The following DUSP10 variants were observed in gnomAD, a reference collection of about 807,000 sequenced individuals.
DUSP10 encodes dual specificity phosphatase 10.
In DUSP10, 14 loss-of-function variants were observed where a neutral mutation model predicts 30.8. That is an observed-to-expected ratio of 0.46 (90% CI 0.30 to 0.71). DUSP10 has a LOEUF of 0.71. DUSP10 is among the 30% of genes least tolerant of loss of function. DUSP10 has a pLI of 0.08. For synonymous variants in DUSP10, 254 were observed against 250.4 expected, an observed-to-expected ratio of 1.01 and a Z score of -0.14; for missense variants, 550 against 619.4, an observed-to-expected ratio of 0.89 and a Z score of 1.19.
Position 221,706,150 on chromosome 1 carries a change from A to C in DUSP10, c.1128T>G (p.Thr376=). 6.2e-7 allele frequency: 1 copy of C among 1,614,190 alleles called. No individual in the cohort carries two copies. Among genetic ancestry groups the C allele is most frequent in the Non-Finnish European group, 8.5e-7 (1 of 1,180,030 alleles). Reference sequence around the variant, plus strand: ...GCCGCAGGTTCTGCTTGTTGCTGTCAGTGGCTGGCAGCCGCTTGTAGTTGA... The same window carrying C: ...GCCGCAGGTTCTGCTTGTTGCTGTCCGTGGCTGGCAGCCGCTTGTAGTTGA... ...GLFNYKRLPA[T]DSNKQNLRQY... The change falls in exon 3 of 4, where the codon ACT becomes ACG. Residue 376 remains threonine, a synonymous_variant. Coordinates refer to ENST00000366899, the MANE Select transcript of DUSP10 (RefSeq NM_007207.6). This position sits in a 1 kb window ranked among gnomAD's most constrained non-coding sequence, Gnocchi z 4.6.
At chr1:221,735,367 G>T (rs1661735454) in intron 2 of DUSP10, among the ~76,000 whole-genome samples, 1 of 152,216 alleles carries the variant, frequency 6.6e-6, no homozygotes, top group South Asian at 2.1e-4. Flanking sequence ...CTGTAGACCT[G>T]ACTGCCAGTC....
At chr1:221,722,056 G>C (rs1661293957) in intron 2 of DUSP10, among the ~76,000 whole-genome samples, 1 of 152,154 alleles carries the variant, frequency 6.6e-6, no homozygotes, top group Admixed American at 6.5e-5. Context: ...GTAATTTGGA[G>C]TTCCTCTTAT....
At chr1:221,739,841 C>T (rs1161617143) in intron 1 of DUSP10, 54 bp from the exon 2 acceptor site, 3 of 1,453,912 alleles carry the variant, frequency 2.1e-6, no homozygotes, top group Non-Finnish European at 1.8e-6. Context: ...ACACAAAAGG[C>T]AGTCTCATCC....
chr1:221,726,857 T>C (rs1271435836), intron 2 of DUSP10, among the ~76,000 whole-genome samples: 1 of 152,210 alleles, frequency 6.6e-6, no homozygotes, highest in African/African-American at 2.4e-5. Flanking sequence ...TTTACTGAAC[T>C]ATACCACTCA....
At chr1:221,732,303 TGTTAACAGCTGAAACCACTAG>T (rs1260725680) in intron 2 of DUSP10, among the ~76,000 whole-genome samples, 3 of 152,244 alleles carry the variant, frequency 2.0e-5, no homozygotes, top group Admixed American at 2.0e-4. Flanking sequence ...TTTTGATAGC[TGTTAACAGCTGAAACCACTAG>T]GTTAACAGCT....
At chr1:221,731,545 C>T (rs1016929439) in intron 2 of DUSP10, among the ~76,000 whole-genome samples, 6 of 149,688 alleles carry the variant, frequency 4.0e-5, no homozygotes, top group East Asian at 2.0e-4. Flanking sequence ...CAGATCAAGA[C>T]ATTGGAAAGA....
At chr1:221,703,706 G>A (rs983614085) in intron 3 of DUSP10, among the ~76,000 whole-genome samples, 3 of 152,150 alleles carry the variant, frequency 2.0e-5, no homozygotes, top group African/African-American at 7.2e-5. Context: ...GGCACTACCT[G>A]AACAGATTCT....
At chr1:221,715,776 G>T (rs779799153) in intron 2 of DUSP10, among the ~76,000 whole-genome samples, 11 of 152,172 alleles carry the variant, frequency 7.2e-5, no homozygotes, top group South Asian at 2.1e-4. Flanking sequence ...TGACTTTTAT[G>T]TGAGCAGGAT....
intron 3 of DUSP10, 115 bp downstream of exon 3, chr1:221,705,980 C>T (rs774654015): frequency 6.9e-7 from 1 of 1,452,536 alleles, no homozygotes; most frequent in Non-Finnish European, 9.3e-7. Context: ...CCCTCCAAAA[C>T]TCCAGGGCAG....
chr1:221,713,297 CGGA>C (rs1367478427), intron 2 of DUSP10, among the ~76,000 whole-genome samples: 3 of 152,194 alleles, frequency 2.0e-5, no homozygotes, highest in South Asian at 4.1e-4. Context: ...CCATCACTGC[CGGA>C]GGAAGTGGCA....
At chr1:221,735,733 C>T (rs1001043912) in intron 2 of DUSP10, among the ~76,000 whole-genome samples, 2 of 152,094 alleles carry the variant, frequency 1.3e-5, no homozygotes, top group Non-Finnish European at 2.9e-5. Flanking sequence ...CTATTTCTTC[C>T]TACCTAAGTA....
chr1:221,708,489 TC>T (rs1335408888), intron 2 of DUSP10, among the ~76,000 whole-genome samples: 1 of 152,230 alleles, frequency 6.6e-6, no homozygotes, highest in African/African-American at 2.4e-5. Context: ...TTCACTTTAC[TC>T]ATTGAAAGTA....
intron 1 of DUSP10, among the ~76,000 whole-genome samples, chr1:221,740,391 T>A (rs1051116307): frequency 6.6e-6 from 1 of 152,200 alleles, no homozygotes; most frequent in African/African-American, 2.4e-5. Context: ...TCTATTGGGG[T>A]CCTTTGAAAA....
At chr1:221,714,816 C>T (rs547141780) in intron 2 of DUSP10, among the ~76,000 whole-genome samples, 4 of 152,244 alleles carry the variant, frequency 2.6e-5, no homozygotes, top group Admixed American at 1.3e-4. Flanking sequence ...CAACGAACCC[C>T]GGTTATTTAA....
chr1:221,729,824 T>C (rs1056358903), intron 2 of DUSP10, among the ~76,000 whole-genome samples: 4 of 152,180 alleles, frequency 2.6e-5, no homozygotes, highest in African/African-American at 9.7e-5. Flanking sequence ...CATAAAAACA[T>C]AGCATTTTAA....
intron 2 of DUSP10, 76 bp downstream of exon 2, chr1:221,738,858 G>C: frequency 6.6e-7 from 1 of 1,506,724 alleles, no homozygotes; most frequent in South Asian, 1.3e-5. Context: ...TAAGGAGAAT[G>C]CTGTCACTCT....
At chr1:221,720,491 C>A (rs1320237795) in intron 2 of DUSP10, among the ~76,000 whole-genome samples, 1 of 152,118 alleles carries the variant, frequency 6.6e-6, no homozygotes, top group Non-Finnish European at 1.5e-5. Flanking sequence ...TGCGAACTGT[C>A]CTAGAAAATT....
intron 2 of DUSP10, among the ~76,000 whole-genome samples, chr1:221,721,855 AT>A (rs950174230): frequency 6.6e-6 from 1 of 152,156 alleles, no homozygotes; most frequent in African/African-American, 2.4e-5. Context: ...TAAATATGAA[AT>A]GGGGGCACAG....
At chr1:221,737,341 T>G (rs762934763) in intron 2 of DUSP10, 9 of 985,364 alleles carry the variant, frequency 9.1e-6, no homozygotes, top group Non-Finnish European at 1.1e-5. Flanking sequence ...GACAAACTAT[T>G]ACAAATGGGA....
Sources: gnomAD v4.1 joint callset for allele counts (sites outside exome capture counted in the v4.1 genomes callset) on GRCh38, gnomAD v4.1.1 for gene constraint, Gnocchi (gnomAD v3.1) non-coding constraint, MANE v1.5 for transcripts, NCBI Gene and HGNC (gene_info 2026-07-23, HGNC 2026-07-21) for gene names.